PTPRA: variants seen among roughly 807,000 people sequenced by gnomAD.
The protein encoded by PTPRA is receptor-type tyrosine-protein phosphatase alpha.
In PTPRA, 25 loss-of-function variants were observed where a neutral mutation model predicts 104.8. The observed-to-expected ratio is 0.24, with a 90% confidence interval of 0.17 to 0.33. The LOEUF (loss-of-function observed/expected upper bound fraction) is 0.33, where lower values mean the gene tolerates loss of function less well. Among genes scored for constraint, PTPRA ranks in the 10% least tolerant of loss-of-function variants. The pLI is 1.00. For synonymous variants in PTPRA, 323 were observed against 368.9 expected (o/e 0.88, Z 1.43); for missense variants, 765 against 1,015.3 (o/e 0.75, Z 3.35).
intron 10 of PTPRA, 26 bp downstream of exon 10, chr20:3,005,172 A>G (rs1407925756): frequency 6.5e-7 from 1 of 1,539,892 alleles, no homozygotes; most frequent in South Asian, 1.1e-5. Flanking sequence ...GTTTCTTGGG[A>G]TGTAACCTGA....
intron 5 of PTPRA, among the ~76,000 whole-genome samples, chr20:2,966,786 G>T (rs2147950677): frequency 6.6e-6 from 1 of 152,306 alleles, no homozygotes; most frequent in Admixed American, 6.5e-5. Flanking sequence ...AATCACTTTA[G>T]CAGGCCACCA....
intron 9 of PTPRA, among the ~76,000 whole-genome samples, chr20:3,001,691 A>G (rs2063634632): frequency 6.6e-6 from 1 of 152,226 alleles, no homozygotes; most frequent in South Asian, 2.1e-4. Context: ...AGTCCAGCCC[A>G]GGAAAATCTT....
At chr20:3,024,337 A>T (rs1600273530) in intron 16 of PTPRA, 135 bp from the exon 17 acceptor site, 7 of 953,808 alleles carry the variant, frequency 7.3e-6, no homozygotes, top group Middle Eastern at 3.5e-4. Context: ...AATTGGGATA[A>T]TAAGAGGGAG....
chr20:2,980,801 A>T (rs1044019454), intron 6 of PTPRA, among the ~76,000 whole-genome samples: 1 of 152,212 alleles, frequency 6.6e-6, no homozygotes, highest in Admixed American at 6.5e-5. Flanking sequence ...TCCATTTCCC[A>T]GGGCTACTGT....
chr20:2,873,331 G>T (rs1006673390), upstream of PTPRA: 1 of 152,200 alleles, frequency 6.6e-6, no homozygotes, highest in Non-Finnish European at 1.5e-5. The surrounding 1 kb of genome is among the most constrained non-coding windows in gnomAD (Gnocchi z 4.4). Context: ...CCAGGAGAAC[G>T]TGCGACCGGG....
chr20:3,019,838 G>A (rs1229294789), intron 13 of PTPRA, among the ~76,000 whole-genome samples: 4 of 152,132 alleles, frequency 2.6e-5, no homozygotes, highest in African/African-American at 9.7e-5. Flanking sequence ...TCGGGAGGCC[G>A]AGGCTGGCAG....
intron 12 of PTPRA, among the ~76,000 whole-genome samples, 176 bp from the exon 13 acceptor site, chr20:3,017,640 T>A (rs1159193043): frequency 6.6e-6 from 1 of 152,182 alleles, no homozygotes; most frequent in Admixed American, 6.5e-5. Context: ...GGCACATACA[T>A]GGTAGAAACA....
chr20:2,907,386 A>T (rs1217885202), intron 1 of PTPRA, among the ~76,000 whole-genome samples: 1 of 152,174 alleles, frequency 6.6e-6, no homozygotes, highest in Non-Finnish European at 1.5e-5. Context: ...AAGTCAGGTT[A>T]TTCAGCTTCT....
chr20:3,005,589 AATAAG>A lies in PTPRA; in HGVS notation c.829+448_829+452del, dbSNP rs1222997957. 3.4e-5 allele frequency among the ~76,000 whole-genome samples: 5 copies of A among 148,642 alleles called. No individual in the cohort carries two copies. In the South Asian group the frequency reaches 6.3e-4, roughly 19 times the overall value. ...AAAAGAAATGAAATAAATAATAATA[AATAAG>A]ATAAATAAATAAGAGTAGGTTGAAG... On this transcript the variant is annotated intron_variant, in intron 10 of 23. Transcript: ENST00000399903.
intron 4 of PTPRA, 152 bp downstream of exon 4, chr20:2,964,502 G>C (rs1253318248): frequency 1.5e-6 from 1 of 665,712 alleles, no homozygotes; most frequent in Admixed American, 3.2e-5. Flanking sequence ...AGAAATCTTG[G>C]AATTGAATGC....
intron 1 of PTPRA, among the ~76,000 whole-genome samples, chr20:2,891,870 C>A (rs927783910): frequency 6.6e-6 from 1 of 152,116 alleles, no homozygotes; most frequent in African/African-American, 2.4e-5. Flanking sequence ...TCCAGATTAC[C>A]TATATGGCTA....
chr20:2,984,537 A>G (rs1031433686), intron 6 of PTPRA, among the ~76,000 whole-genome samples: 1 of 152,212 alleles, frequency 6.6e-6, no homozygotes, highest in Non-Finnish European at 1.5e-5. Flanking sequence ...TTCTTAGATT[A>G]ACCTCTCACC....
At chr20:2,975,296 T>C (rs367845259) in intron 6 of PTPRA, 55 bp downstream of exon 6, 42 of 1,440,474 alleles carry the variant, frequency 2.9e-5, no homozygotes, top group Non-Finnish European at 4.0e-5. Flanking sequence ...CAGTATTCAT[T>C]TATTTCCTCT....
intron 1 of PTPRA, among the ~76,000 whole-genome samples, chr20:2,910,611 T>TTA (rs1568650248): frequency 3.5e-5 from 3 of 85,106 alleles, no homozygotes; most frequent in Admixed American, 1.5e-4. Flanking sequence ...TTTTTTTTAA[T>TTA]TTTTTTTTTT....
intron 20 of PTPRA, among the ~76,000 whole-genome samples, chr20:3,034,215 A>T (rs2065681597): frequency 6.6e-6 from 1 of 152,004 alleles, no homozygotes; most frequent in Admixed American, 6.6e-5. Context: ...AGGCTGCAGT[A>T]AGTCAAGATC....
intron 11 of PTPRA, among the ~76,000 whole-genome samples, chr20:3,010,614 C>T (rs906108916): frequency 3.3e-5 from 5 of 151,680 alleles, no homozygotes; most frequent in East Asian, 1.9e-4. Flanking sequence ...GGCGACAGAG[C>T]GAGACTCTGT....
At chr20:2,871,449 A>G (rs2089426069), upstream of PTPRA, among the ~76,000 whole-genome samples, 1 of 152,156 alleles carries the variant, frequency 6.6e-6, no homozygotes, top group South Asian at 2.1e-4. Flanking sequence ...TGCAATCACT[A>G]TTTCAGTTAT....
chr20:2,935,274 T>C (rs780009885), intron 2 of PTPRA, among the ~76,000 whole-genome samples: 2 of 152,322 alleles, frequency 1.3e-5, no homozygotes, highest in Non-Finnish European at 2.9e-5. Flanking sequence ...TTATTTCGTT[T>C]AACATAATGT....
chr20:2,886,778 C>T (rs936428877), intron 1 of PTPRA, among the ~76,000 whole-genome samples: 1 of 150,562 alleles, frequency 6.6e-6, no homozygotes, highest in Non-Finnish European at 1.5e-5. Context: ...CTTGCTTTAA[C>T]CTGGGAGGTG....
Sources: gnomAD v4.1 joint callset for allele counts (sites outside exome capture counted in the v4.1 genomes callset) on GRCh38, gnomAD v4.1.1 for gene constraint, Gnocchi (gnomAD v3.1) non-coding constraint, MANE v1.5 for transcripts, NCBI Gene and HGNC (gene_info 2026-07-23, HGNC 2026-07-21) for gene names.